The following PLXNA4 variants were observed in gnomAD, a reference collection of about 807,000 sequenced individuals.
PLXNA4 encodes plexin A4.
In PLXNA4, 44 loss-of-function variants were observed where a neutral mutation model predicts 191.8. The ratio of observed to expected loss-of-function variants is 0.23; its 90% CI spans 0.18 to 0.29. The LOEUF is 0.29. Among genes scored for constraint, PLXNA4 ranks in the 10% least tolerant of loss-of-function variants. PLXNA4 has a pLI of 1.00. For synonymous variants in PLXNA4, 1,082 were observed against 1,009.5 expected (o/e 1.07, Z -1.36); for missense variants, 1,800 against 2,488.8 (o/e 0.72, Z 5.89).
intron 25 of PLXNA4, among the ~76,000 whole-genome samples, chr7:132,150,087 T>C (rs1357433089): frequency 6.6e-6 from 1 of 152,224 alleles, no homozygotes; most frequent in Non-Finnish European, 1.5e-5. Context: ...GCATAGGGAC[T>C]ACATGCTTGT....
chr7:132,636,303 G>T (rs903002991), intron 2 of PLXNA4, among the ~76,000 whole-genome samples: 1 of 152,214 alleles, frequency 6.6e-6, no homozygotes, highest in Non-Finnish European at 1.5e-5. Flanking sequence ...CAGGCAGAGG[G>T]CAGAGGAGAG....
chr7:132,551,753 G>A (rs1294192818), intron 1 of PLXNA4, among the ~76,000 whole-genome samples: 1 of 152,168 alleles, frequency 6.6e-6, no homozygotes, highest in African/African-American at 2.4e-5. Flanking sequence ...AGTGATTTAA[G>A]CCCCGGAAAA....
At chr7:132,359,015 C>A (rs143748820) in intron 3 of PLXNA4, among the ~76,000 whole-genome samples, 1 of 152,162 alleles carries the variant, frequency 6.6e-6, no homozygotes, top group Non-Finnish European at 1.5e-5. Context: ...ACCACCTGGG[C>A]TCTAGACCCA....
chr7:132,393,185 CCAA>C (rs1793587247), intron 3 of PLXNA4, among the ~76,000 whole-genome samples: 1 of 147,850 alleles, frequency 6.8e-6, no homozygotes, highest in Admixed American at 6.8e-5. Flanking sequence ...ACATTGACCC[CCAA>C]CACCCCCCCC....
chr7:132,245,772 G>A (rs913831823), intron 4 of PLXNA4, among the ~76,000 whole-genome samples: 3 of 152,186 alleles, frequency 2.0e-5, no homozygotes, highest in Non-Finnish European at 4.4e-5. Flanking sequence ...AGGAAATTCT[G>A]ACACATGCTA....
At chr7:132,514,302 C>T (rs992919187) in intron 1 of PLXNA4, among the ~76,000 whole-genome samples, 5 of 152,044 alleles carry the variant, frequency 3.3e-5, no homozygotes, top group South Asian at 2.1e-4. Flanking sequence ...CCGCCCGCCT[C>T]GGCCTCCCAA....
At chr7:132,489,719 T>C (rs1044739411) in intron 2 of PLXNA4, among the ~76,000 whole-genome samples, 1 of 152,110 alleles carries the variant, frequency 6.6e-6, no homozygotes, top group Non-Finnish European at 1.5e-5. Flanking sequence ...CCATAATCTG[T>C]GTGTCTCTGC....
rs187229348 is a variant in PLXNA4, at chr7:132,216,736, C to T, written c.2098-5593G>A. ...TTCTAGATAAAGACACTAAGGACAC[C>T]GTTTACGTCACTCTGCCCATGGCAA... On this transcript the variant is annotated intron_variant, in intron 9 of 31. Transcript: ENST00000321063. Among the ~76,000 whole-genome samples the T allele has an allele frequency of 6.7e-4, 102 of 152,276 alleles. 1 individual carries two copies. The highest frequency in any genetic ancestry group is 8.7e-4 in the Non-Finnish European group (59 of 68,012).
At chr7:132,221,277 T>A (rs1462004425) in intron 9 of PLXNA4, among the ~76,000 whole-genome samples, 6 of 152,194 alleles carry the variant, frequency 3.9e-5, no homozygotes, top group Non-Finnish European at 2.9e-5. Context: ...TCTTGCAAGG[T>A]AATTAAATGA....
chr7:132,500,351 G>A (rs1798194438), intron 2 of PLXNA4, among the ~76,000 whole-genome samples: 2 of 152,116 alleles, frequency 1.3e-5, no homozygotes, highest in African/African-American at 2.4e-5. Context: ...GCTGAGGCAG[G>A]AGAATCGCTT....
chr7:132,185,550 C>T, intron 15 of PLXNA4, 87 bp from the exon 16 acceptor site: 1 of 1,502,424 alleles, frequency 6.7e-7, no homozygotes, highest in Non-Finnish European at 8.9e-7. Flanking sequence ...CCGCTCCCTG[C>T]ATGTCAGGAT....
intron 1 of PLXNA4, among the ~76,000 whole-genome samples, chr7:132,521,178 G>A (rs1426487): frequency 0.92 from 122,280 of 132,812 alleles, 56,089 homozygotes; most frequent in South Asian, 0.96. Context: ...TTTGCTCCTT[G>A]AAAAAAAAAA....
At chr7:132,485,230 T>C (rs969627413) in intron 3 of PLXNA4, among the ~76,000 whole-genome samples, 3 of 152,224 alleles carry the variant, frequency 2.0e-5, no homozygotes, top group East Asian at 3.8e-4. Flanking sequence ...AACAGGCTAA[T>C]AGCAGGGCCA....
At chr7:132,432,622 AC>A (rs1166597415) in intron 3 of PLXNA4, among the ~76,000 whole-genome samples, 4 of 152,148 alleles carry the variant, frequency 2.6e-5, no homozygotes, top group Non-Finnish European at 5.9e-5. Context: ...GGACTATTTC[AC>A]AGATGGAAAA....
intron 10 of PLXNA4, among the ~76,000 whole-genome samples, chr7:132,206,174 A>T (rs537800734): frequency 1.4e-4 from 21 of 152,360 alleles, no homozygotes; most frequent in African/African-American, 5.0e-4. Context: ...AAAGCAGTAC[A>T]CATCTCCTTG....
At chr7:132,258,181 T>C (rs1244812890) in intron 4 of PLXNA4, among the ~76,000 whole-genome samples, 1 of 152,252 alleles carries the variant, frequency 6.6e-6, no homozygotes, top group African/African-American at 2.4e-5. Context: ...GGTGCTTCTC[T>C]GGCCAATGCT....
In PLXNA4 at chr7:132,576,427, C is replaced by A. The variant is rs575721184; in HGVS notation, c.-92G>T. On this transcript the variant is annotated 5_prime_UTR_variant, in exon 1 of 32. Transcript: ENST00000321063. This position sits in a 1 kb window ranked among gnomAD's most constrained non-coding sequence, Gnocchi z 5.8. ...CCGGCGGGCCGGCTCCTTACCTGGA[C>A]GCGCCGCGTTTCCCTCCTTCAGCGG... 1.0e-6 allele frequency: 1 copy of A among 985,856 alleles called. No individual in the cohort carries two copies. The allele number at this position is 985,856 out of a possible 1,614,324, so 61.1% of individuals were successfully genotyped here.
chr7:132,606,071 C>T (rs531344183), intron 2 of PLXNA4, among the ~76,000 whole-genome samples: 8 of 152,084 alleles, frequency 5.3e-5, no homozygotes, highest in Non-Finnish European at 1.0e-4. Flanking sequence ...GGCTGAGGCA[C>T]GAGAATCGCT....
chr7:132,632,798 C>T (rs988144123), intron 2 of PLXNA4, among the ~76,000 whole-genome samples: 6 of 152,132 alleles, frequency 3.9e-5, no homozygotes, highest in Non-Finnish European at 1.5e-5. Context: ...TAAATTTAGA[C>T]TTATGAAAAA....
Sources: allele counts gnomAD v4.1 joint callset (sites outside exome capture counted in the v4.1 genomes callset), GRCh38; gene constraint gnomAD v4.1.1; non-coding constraint Gnocchi (gnomAD v3.1); transcripts MANE v1.5; gene names NCBI Gene and HGNC (gene_info 2026-07-23, HGNC 2026-07-21).